Variants in C16orf92 observed in about 807,000 individuals in gnomAD.
The protein encoded by C16orf92 is fertilization-influencing membrane protein 1.
C16orf92 carries 14 observed loss-of-function variants against 13.7 expected under a neutral mutation model. The ratio of observed to expected loss-of-function variants is 1.02; its 90% CI spans 0.67 to 1.60. C16orf92 has a LOEUF of 1.60. C16orf92 is among the 40% of genes most tolerant of loss of function. The probability of loss-of-function intolerance (pLI) is 0.00; values close to 1 mark genes in which losing one functional copy is unlikely to be tolerated. For synonymous variants in C16orf92, 50 were observed against 57.4 expected, an observed-to-expected ratio of 0.87 and a Z score of 0.58; for missense variants, 116 against 139.0, an observed-to-expected ratio of 0.83 and a Z score of 0.83.
chr16:30,025,920 T>C (rs1328560554), downstream of C16orf92: 11 of 924,096 alleles, frequency 1.2e-5, no homozygotes, highest in Admixed American at 1.1e-4. The surrounding 1 kb of genome is among the most constrained non-coding windows in gnomAD (Gnocchi z 4.1). Context: ...TGGGAGATGC[T>C]TGACTCTGAA....
chr16:30,024,021 T>C lies in C16orf92; in HGVS notation c.246T>C (p.His82=). Residue 82 remains histidine, a synonymous_variant, in exon 3 of 4, where the codon CAT becomes CAC. Coordinates refer to ENST00000681219, the MANE Select transcript of C16orf92 (RefSeq NM_001109659.2). Reference sequence around the variant, plus strand: ...CAGGTTCCAGCCCCGGGCTCTTCCATCACATCCTGGTGGGCTTGCTGGTGG... The same window carrying C: ...CAGGTTCCAGCCCCGGGCTCTTCCACCACATCCTGGTGGGCTTGCTGGTGG... ...INSGSSPGLF[H]HILVGLLVVA... is the part of the protein sequence containing the mutation. 1 of 1,614,020 alleles carries C rather than the reference T, an allele frequency of 6.2e-7. No homozygotes were observed. The highest frequency in any genetic ancestry group is 1.1e-5 in the South Asian group (1 of 91,082).
chr16:30,026,019 G>A (rs2071115422), downstream of C16orf92, among the ~76,000 whole-genome samples: 1 of 152,038 alleles, frequency 6.6e-6, no homozygotes, highest in Non-Finnish European at 1.5e-5. Flanking sequence ...GGATCACGAG[G>A]TCAGGAGTTT....
At chr16:30,025,111 C>T, downstream of C16orf92, 1 of 1,101,440 alleles carries the variant, frequency 9.1e-7, no homozygotes, top group Non-Finnish European at 1.2e-6. This position sits in a 1 kb window ranked among gnomAD's most constrained non-coding sequence, Gnocchi z 4.1. Flanking sequence ...GCTCCCAACC[C>T]CAGCCATCAG....
At chr16:30,026,591 C>G, downstream of C16orf92, 2 of 1,605,912 alleles carry the variant, frequency 1.2e-6, no homozygotes, top group Non-Finnish European at 1.7e-6. Flanking sequence ...CCCGCCCGCC[C>G]AGCTCCCCGG....
Position 30,023,866 on chromosome 16 carries a change from C to T in C16orf92, c.204C>T (p.Pro68=), listed in dbSNP as rs2070961449. ...TGGCCCAGTTTATTGGAGAGAAACC[C>T]ATCGTGTTCATTAACTCAGGTATGA... The part of the protein sequence containing the change: ...LAVAQFIGEK[P]IVFINSGSSP... Residue 68 remains proline (P), a synonymous_variant, in exon 2 of 4, where the codon CCC becomes CCT. Transcript: ENST00000681219. The T allele has an allele frequency of 1.9e-6, 3 of 1,613,374 alleles. No homozygotes were observed. The highest frequency in any genetic ancestry group is 1.7e-6 in the Non-Finnish European group (2 of 1,179,324).
In C16orf92 at chr16:30,023,877, T is replaced by C. The variant is rs184570205; in HGVS notation, c.215T>C (p.Ile72Thr). 2.0e-3 allele frequency: 3,285 copies of C among 1,612,510 alleles called. 2 individuals carry two copies. The highest frequency in any genetic ancestry group is 2.6e-3 in the Non-Finnish European group (3,016 of 1,178,528). ...ATTGGAGAGAAACCCATCGTGTTCA[T>C]TAACTCAGGTATGAACCAGCTTGAG... Reference protein sequence around the residue: ...QFIGEKPIVFINSGSSPGLFH... With the variant: ...QFIGEKPIVFTNSGSSPGLFH... Residue 72 changes from isoleucine to threonine, a missense_variant, in exon 2 of 4, where the codon ATT (isoleucine) becomes ACT (threonine). Transcript: ENST00000681219.
At position 30,023,425 on chromosome 16, in the gene C16orf92, C is replaced by T. The variant is rs200679172; in HGVS notation, c.64+21C>T. 57 of 1,608,702 alleles carry T rather than the reference C, an allele frequency of 3.5e-5. No homozygotes were observed. In the African/African-American group the frequency reaches 6.4e-4, roughly 18 times the overall value. The stretch of plus-strand genomic sequence containing the variant: ...AACTGGTAAGAAGCTGTCTTGGGAG[C>T]AGCAGGAAGGCAGGCAGCTCTGGGA... On this transcript the variant is annotated intron_variant, in intron 1 of 3. Transcript: ENST00000681219.
downstream of C16orf92, among the ~76,000 whole-genome samples, chr16:30,026,394 G>T (rs117910026): frequency 4.9e-3 from 746 of 152,214 alleles, 17 homozygotes; most frequent in Middle Eastern, 0.031. Flanking sequence ...AGCCACAGCC[G>T]GGCATCGTCC....
At chr16:30,023,474 G>A in intron 1 of C16orf92, 70 bp downstream of exon 1, 1 of 1,513,088 alleles carries the variant, frequency 6.6e-7, no homozygotes, top group Non-Finnish European at 9.1e-7. Flanking sequence ...TGCCCACTTA[G>A]GGACTCGGAA....
At chr16:30,025,955 T>A, downstream of C16orf92, 1 of 681,188 alleles carries the variant, frequency 1.5e-6, no homozygotes, top group Non-Finnish European at 2.5e-6. This position sits in a 1 kb window ranked among gnomAD's most constrained non-coding sequence, Gnocchi z 4.1. Flanking sequence ...GGTGCAGGGC[T>A]GGGTGCAGTG....
chr16:30,026,448 G>A (rs1435939734), downstream of C16orf92, among the ~76,000 whole-genome samples: 2 of 152,142 alleles, frequency 1.3e-5, no homozygotes, highest in African/African-American at 4.8e-5. Context: ...CCCTGGGCTG[G>A]TGCTCAGTGA....
chr16:30,023,784 T>C lies in C16orf92; in HGVS notation c.122T>C (p.Leu41Ser). The part of the protein sequence containing the change: ...SALGTESPRF[L>S]DRPDFFDYPD... ...CTGGGGACAGAGTCTCCGCGCTTCT[T>C]AGACAGACCTGACTTCTTCGATTAT... The change falls in exon 2 of 4, where the codon TTA becomes TCA. Residue 41 changes from leucine to serine, a missense_variant. Transcript: ENST00000681219. The C allele has an allele frequency of 6.8e-6, 11 of 1,614,120 alleles. No individual in the cohort carries two copies. The highest frequency in any genetic ancestry group is 9.3e-6 in the Non-Finnish European group (11 of 1,180,006).
At position 30,024,200 on chromosome 16, in the gene C16orf92, C is replaced by A; in HGVS notation, c.312-6C>A. Reference sequence around the variant, plus strand: ...ACCTCTCCCCTCTGATCTCCATGCCCCACAGAAACTTCCAGAAAGGGGCCT... The same window carrying A: ...ACCTCTCCCCTCTGATCTCCATGCCACACAGAAACTTCCAGAAAGGGGCCT... On this transcript the variant is annotated splice_polypyrimidine_tract_variant and splice_region_variant and intron_variant, in intron 3 of 3. Coordinates refer to ENST00000681219, the MANE Select transcript of C16orf92 (RefSeq NM_001109659.2). 6.2e-7 allele frequency: 1 copy of A among 1,614,108 alleles called. No individual in the cohort carries two copies. Among genetic ancestry groups the A allele is most frequent in the Admixed American group, 1.7e-5 (1 of 60,022 alleles).
rs2071014821 is a variant in C16orf92, at chr16:30,024,650, C to T, written c.*423C>T. On this transcript the variant is annotated 3_prime_UTR_variant, in exon 4 of 4. Transcript: ENST00000681219. ...GGTAGCAGCCACCTCCTTCCCCCAA[C>T]CCAACAGACTAGTTCAAATTTGGGT... 4.4e-6 allele frequency: 1 copy of T among 227,966 alleles called. No individual in the cohort carries two copies. The highest frequency in any genetic ancestry group is 8.6e-6 in the Non-Finnish European group (1 of 116,924). The allele number at this position is 227,966 out of a possible 1,614,324, so 14.1% of individuals were successfully genotyped here.
At chr16:30,026,678 G>T, downstream of C16orf92, 1 of 1,613,944 alleles carries the variant, frequency 6.2e-7, no homozygotes, top group Non-Finnish European at 8.5e-7. Context: ...CCTTGTGCAG[G>T]TAGCCACGCG....
At chr16:30,027,260 A>G (rs569613088), downstream of C16orf92, 281 of 438,436 alleles carry the variant, frequency 6.4e-4, no homozygotes, top group Non-Finnish European at 8.7e-4. Context: ...CTGGAGAGAG[A>G]GGTCACAGGG....
At chr16:30,027,033 G>A (rs2071174671), downstream of C16orf92, 1 of 687,910 alleles carries the variant, frequency 1.5e-6, no homozygotes, top group African/African-American at 1.8e-5. Flanking sequence ...AAGAGATGGT[G>A]CTGGGATTCA....
chr16:30,024,170 C>T, intron 3 of C16orf92, 36 bp from the exon 4 acceptor site: 1 of 1,613,418 alleles, frequency 6.2e-7, no homozygotes, highest in Non-Finnish European at 8.5e-7. Context: ...GCGGGGCAGG[C>T]TGTGACCTCT....
rs1042355162 is a variant in C16orf92, at chr16:30,024,504, G to A, written c.*277G>A. On this transcript the variant is annotated 3_prime_UTR_variant, in exon 4 of 4. Coordinates refer to ENST00000681219, the MANE Select transcript of C16orf92 (RefSeq NM_001109659.2). ...GTCCCCCGACCCCAGATTGGAGGAA[G>A]CCTTGAGAGGTCAGTAGCACCAGGG... The A allele has an allele frequency of 1.9e-6, 1 of 526,728 alleles. No individual in the cohort carries two copies. The highest frequency in any genetic ancestry group is 1.9e-5 in the African/African-American group (1 of 52,694). 32.6% of individuals were successfully genotyped at this position (526,728 alleles called of 1,614,324 possible).
Sources: gnomAD v4.1 joint callset for allele counts (sites outside exome capture counted in the v4.1 genomes callset) on GRCh38, gnomAD v4.1.1 for gene constraint, Gnocchi (gnomAD v3.1) non-coding constraint, MANE v1.5 for transcripts, NCBI Gene and HGNC (gene_info 2026-07-23, HGNC 2026-07-21) for gene names.